Variants in DNAH11 observed in about 807,000 individuals in gnomAD.
DNAH11 encodes the protein dynein axonemal heavy chain 11.
Under a neutral mutation model 526.0 loss-of-function variants are expected in DNAH11, and 442 were observed. The observed-to-expected ratio is 0.84, with a 90% confidence interval of 0.78 to 0.91. The LOEUF (loss-of-function observed/expected upper bound fraction) is 0.91. Ranked by LOEUF, DNAH11 falls within the 40% of genes least tolerant of loss-of-function variation. The pLI, the probability that DNAH11 is intolerant of heterozygous loss-of-function variation, is 0.00. For synonymous variants in DNAH11, 2,461 were observed against 1,935.9 expected, an observed-to-expected ratio of 1.27 and a Z score of -7.12; for missense variants, 6,989 against 5,448.7, an observed-to-expected ratio of 1.28 and a Z score of -8.90.
At chr7:21,799,368 G>A (rs1788864096) in intron 61 of DNAH11, among the ~76,000 whole-genome samples, 1 of 151,086 alleles carries the variant, frequency 6.6e-6, no homozygotes, top group Non-Finnish European at 1.5e-5. Flanking sequence ...ACGGAGTCTT[G>A]CTCTTGTTTC....
chr7:21,837,224 G>T (rs1229291232), intron 65 of DNAH11, among the ~76,000 whole-genome samples: 1 of 152,100 alleles, frequency 6.6e-6, no homozygotes, highest in African/African-American at 2.4e-5. Context: ...TGATCCAGCA[G>T]TTCTACTATG....
intron 62 of DNAH11, among the ~76,000 whole-genome samples, chr7:21,805,412 A>G (rs1789219881): frequency 6.6e-6 from 1 of 152,066 alleles, no homozygotes; most frequent in Admixed American, 6.6e-5. Flanking sequence ...GCATCACTAG[A>G]TATTTGCTGA....
intron 9 of DNAH11, among the ~76,000 whole-genome samples, chr7:21,583,327 A>G (rs1023137544): frequency 2.6e-5 from 4 of 152,330 alleles, no homozygotes; most frequent in African/African-American, 9.6e-5. Context: ...GACAAAAACA[A>G]GCAATGGGGA....
chr7:21,603,419 C>T (rs542321419), intron 18 of DNAH11, among the ~76,000 whole-genome samples: 2 of 152,196 alleles, frequency 1.3e-5, no homozygotes, highest in South Asian at 4.2e-4. Context: ...TTCAGTACAC[C>T]TAGGAGTGGA....
intron 29 of DNAH11, among the ~76,000 whole-genome samples, chr7:21,657,241 G>A (rs942381186): frequency 6.6e-6 from 1 of 152,112 alleles, no homozygotes; most frequent in Admixed American, 6.6e-5. Flanking sequence ...GTATTCTTCA[G>A]CAAGTGTTGA....
chr7:21,781,496 C>A (rs2127984004), intron 57 of DNAH11, among the ~76,000 whole-genome samples: 1 of 152,290 alleles, frequency 6.6e-6, no homozygotes, highest in South Asian at 2.1e-4. Flanking sequence ...GCTGAGAATT[C>A]TCTCATTGCT....
At chr7:21,882,564 G>A (rs1783962293) in intron 75 of DNAH11, among the ~76,000 whole-genome samples, 1 of 152,218 alleles carries the variant, frequency 6.6e-6, no homozygotes, top group Non-Finnish European at 1.5e-5. Flanking sequence ...GGGAGGCCAA[G>A]TCGGGCGGAT....
rs984632835 is a variant in DNAH11 at position 21,753,167 on chromosome 7, C to A, written c.8940+2803C>A. ...ATCTTTCCCTTCTGCCTGCTTTCATCGTGATGCCTCTTGCCTCCTGATCAC... is the reference window on the plus strand; with the variant it reads ...ATCTTTCCCTTCTGCCTGCTTTCATAGTGATGCCTCTTGCCTCCTGATCAC... On this transcript the variant is annotated intron_variant, in intron 54 of 81. Transcript: ENST00000409508. 2.0e-5 allele frequency among the ~76,000 whole-genome samples: 3 copies of A among 152,230 alleles called. No homozygotes were observed. The South Asian group carries it at 6.2e-4, about 32-fold the overall frequency.
intron 45 of DNAH11, among the ~76,000 whole-genome samples, chr7:21,728,873 T>C (rs766496337): frequency 9.9e-5 from 15 of 152,198 alleles, no homozygotes; most frequent in African/African-American, 1.2e-4. Context: ...TCTTAAGACT[T>C]CAAAATAATC....
At chr7:21,842,320 A>G (rs958444808) in intron 65 of DNAH11, among the ~76,000 whole-genome samples, 8 of 152,210 alleles carry the variant, frequency 5.3e-5, no homozygotes, top group African/African-American at 1.9e-4. Context: ...GGTGAGTACT[A>G]TTATTGTCAA....
In DNAH11 at chr7:21,600,112, A is replaced by G. The variant is rs368692202; in HGVS notation, c.2993A>G (p.Asn998Ser). The change falls in exon 15 of 82, where the codon AAT becomes AGT. Residue 998 changes from asparagine to serine, a missense_variant. Coordinates refer to ENST00000409508, the MANE Select transcript of DNAH11 (RefSeq NM_001277115.2). Reference sequence around the variant, plus strand: ...ATAGCAACACACCTGGAAATTAAAAATTATCAGGTATTTTCTTAGTAAATG... The same window carrying G: ...ATAGCAACACACCTGGAAATTAAAAGTTATCAGGTATTTTCTTAGTAAATG... ...NRIATHLEIK[N>S]YQNDMDNMLG... The G allele has an allele frequency of 3.4e-5, 52 of 1,535,266 alleles. No individual in the cohort carries two copies. Among genetic ancestry groups the G allele is most frequent in the Non-Finnish European group, 4.1e-5 (47 of 1,140,324 alleles).
At chr7:21,624,859 A>G (rs1033838432) in intron 25 of DNAH11, among the ~76,000 whole-genome samples, 1 of 152,022 alleles carries the variant, frequency 6.6e-6, no homozygotes, top group African/African-American at 2.4e-5. Flanking sequence ...ATTGATTTGC[A>G]TATTCTTGCA....
In DNAH11 at chr7:21,543,419, G is replaced by A; in HGVS notation, c.174G>A (p.Arg58=). Residue 58 remains arginine (R), a synonymous_variant, in exon 1 of 82, where the codon CGG becomes CGA. Transcript: ENST00000409508. ...CGCGGAGTTTCGCCCAAGACGCGCG[G>A]GTGCGCTTCCTCGGCGGCCGCCTGG... ...RRARSFAQDA[R]VRFLGGRLAM... 6.4e-7 allele frequency: 1 copy of A among 1,555,356 alleles called. No individual in the cohort carries two copies. Among genetic ancestry groups the A allele is most frequent in the South Asian group, 1.2e-5 (1 of 84,380 alleles).
intron 28 of DNAH11, among the ~76,000 whole-genome samples, chr7:21,649,226 G>C (rs995488738): frequency 8.5e-5 from 13 of 152,138 alleles, no homozygotes; most frequent in African/African-American, 3.1e-4. Context: ...TGGGAAAACT[G>C]TTTAACAGCA....
intron 65 of DNAH11, among the ~76,000 whole-genome samples, chr7:21,820,045 A>T (rs987760775): frequency 3.3e-5 from 5 of 152,108 alleles, no homozygotes; most frequent in African/African-American, 1.2e-4. Flanking sequence ...GGGAACAACC[A>T]CTTGTTTGAG....
At chr7:21,789,963 T>G (rs1788403724) in intron 61 of DNAH11, among the ~76,000 whole-genome samples, 1 of 146,336 alleles carries the variant, frequency 6.8e-6, no homozygotes, top group Non-Finnish European at 1.5e-5. Context: ...TGTGCAGGCT[T>G]GTTACACAGG....
At chr7:21,717,308 T>C (rs1030828332) in intron 42 of DNAH11, among the ~76,000 whole-genome samples, 1 of 152,058 alleles carries the variant, frequency 6.6e-6, no homozygotes, top group Non-Finnish European at 1.5e-5. Context: ...ATTCAGTCCA[T>C]TGAAAAAGGA....
Position 21,571,800 on chromosome 7 carries a change from A to T in DNAH11, c.1426-6A>T, listed in dbSNP as rs555085923. 3 of 1,601,724 alleles carry T rather than the reference A, an allele frequency of 1.9e-6. No homozygotes were observed. The African/African-American group carries it at 4.0e-5, about 22-fold the overall frequency. On this transcript the variant is annotated splice_region_variant and splice_polypyrimidine_tract_variant and intron_variant, in intron 7 of 81. Transcript: ENST00000409508. ...TGGAAAGGTCTTTACTGTGTTTTTT[A>T]CAAAGGATATATTTGCCACCACTTT...
chr7:21,724,131 G>C (rs1784985021), intron 44 of DNAH11, among the ~76,000 whole-genome samples: 1 of 152,206 alleles, frequency 6.6e-6, no homozygotes, highest in East Asian at 1.9e-4. Flanking sequence ...GTAGTGGTTA[G>C]GTGAAGCAAA....
Sources: allele counts gnomAD v4.1 joint callset (sites outside exome capture counted in the v4.1 genomes callset), GRCh38; gene constraint gnomAD v4.1.1; transcripts MANE v1.5; gene names NCBI Gene and HGNC (gene_info 2026-07-23, HGNC 2026-07-21).